PHF14: variants seen among roughly 807,000 people sequenced by gnomAD.
PHF14 encodes PHD finger protein 14.
In PHF14, 55 loss-of-function variants were observed where a neutral mutation model predicts 117.9. That is an observed-to-expected ratio of 0.47 (90% confidence interval 0.38 to 0.58). The LOEUF is 0.58. Among genes scored for constraint, PHF14 ranks in the 20% least tolerant of loss-of-function variants. The probability of loss-of-function intolerance (pLI) is 0.00; values close to 1 mark genes in which losing one functional copy is unlikely to be tolerated. For synonymous variants in PHF14, 409 were observed against 368.6 expected (o/e 1.11, Z -1.26); for missense variants, 978 against 1,122.2 (o/e 0.87, Z 1.84).
chr7:11,166,538 A>G (rs968827374), intron 17 of PHF14, among the ~76,000 whole-genome samples: 12 of 152,314 alleles, frequency 7.9e-5, no homozygotes, highest in Admixed American at 2.6e-4. Flanking sequence ...TTGACCTGCA[A>G]TGTGAAAAAC....
At chr7:11,067,556 C>G (rs1218506784) in intron 16 of PHF14, among the ~76,000 whole-genome samples, 4 of 152,112 alleles carry the variant, frequency 2.6e-5, no homozygotes, top group African/African-American at 2.4e-5. Context: ...TGGAAGCAAC[C>G]CAAGTTCCAC....
intron 16 of PHF14, among the ~76,000 whole-genome samples, chr7:11,083,551 C>G (rs1455150862): frequency 2.0e-5 from 3 of 151,016 alleles, no homozygotes; most frequent in East Asian, 2.0e-4. Flanking sequence ...AACTCCGCCT[C>G]CCAGGTTCAA....
intron 17 of PHF14, among the ~76,000 whole-genome samples, chr7:11,141,566 T>C (rs1297399231): frequency 6.6e-6 from 1 of 152,108 alleles, no homozygotes; most frequent in Non-Finnish European, 1.5e-5. Flanking sequence ...ATATAAATTA[T>C]TTTAAAATGT....
At chr7:11,121,644 C>T (rs1348693477) in intron 17 of PHF14, among the ~76,000 whole-genome samples, 1 of 152,088 alleles carries the variant, frequency 6.6e-6, no homozygotes, top group Non-Finnish European at 1.5e-5. Flanking sequence ...ATAAGGGTTA[C>T]TTGGACACAA....
At chr7:11,063,073 T>C in intron 16 of PHF14, 1 of 868,582 alleles carries the variant, frequency 1.2e-6, no homozygotes, top group East Asian at 1.2e-4. Context: ...CATTAAAATA[T>C]GTCTTAATTT....
rs544295083 is a variant in PHF14, at chr7:11,043,580, A to G, written c.2312+766A>G. 3.9e-5 allele frequency among the ~76,000 whole-genome samples: 6 copies of G among 152,120 alleles called. No homozygotes were observed. In the South Asian group the frequency reaches 1.2e-3, roughly 32 times the overall value. On this transcript the variant is annotated intron_variant, in intron 13 of 17. Transcript: ENST00000634607. ...TGTGTTCCTCAAATACATTAGGCAT[A>G]TTTTTTGACCTCATTGTTTTATCAC...
intron 17 of PHF14, among the ~76,000 whole-genome samples, chr7:11,159,645 C>T (rs1788966930): frequency 6.6e-6 from 1 of 152,134 alleles, no homozygotes; most frequent in Non-Finnish European, 1.5e-5. Context: ...TATAAGATTA[C>T]ACTACAGCTT....
At chr7:11,107,015 G>C in intron 16 of PHF14, 1 of 983,756 alleles carries the variant, frequency 1.0e-6, no homozygotes, top group Non-Finnish European at 1.2e-6. Context: ...TCTTTCTAAA[G>C]TTTAGCTTAC....
intron 4 of PHF14, among the ~76,000 whole-genome samples, chr7:11,012,193 T>G (rs1349708038): frequency 6.6e-6 from 1 of 152,214 alleles, no homozygotes; most frequent in Non-Finnish European, 1.5e-5. Flanking sequence ...GAACTTCTTA[T>G]TGCAGCTTTG....
chr7:11,112,927 A>G (rs936753881), intron 17 of PHF14, among the ~76,000 whole-genome samples: 5 of 152,114 alleles, frequency 3.3e-5, no homozygotes, highest in African/African-American at 1.2e-4. Flanking sequence ...GATTTAAGAG[A>G]GAACATATTT....
At chr7:11,085,489 A>G (rs2906563) in intron 16 of PHF14, among the ~76,000 whole-genome samples, 75,582 of 151,660 alleles carry the variant, frequency 0.5, 19,460 homozygotes, top group East Asian at 0.85. Context: ...AAAGGCAAAA[A>G]TTATTGTTTC....
intron 14 of PHF14, among the ~76,000 whole-genome samples, chr7:11,060,394 C>T (rs1785180602): frequency 1.3e-5 from 2 of 152,270 alleles, no homozygotes; most frequent in South Asian, 4.2e-4. Flanking sequence ...CATTAAAGGG[C>T]AAGAGTGGCA....
chr7:11,094,709 A>G (rs1000179235), intron 16 of PHF14, among the ~76,000 whole-genome samples: 19 of 152,142 alleles, frequency 1.2e-4, no homozygotes, highest in African/African-American at 4.6e-4. Context: ...ATATTAGCCA[A>G]CATTTCACCT....
intron 4 of PHF14, among the ~76,000 whole-genome samples, chr7:11,005,963 T>C (rs1050393014): frequency 2.0e-5 from 3 of 152,014 alleles, no homozygotes; most frequent in Non-Finnish European, 4.4e-5. Context: ...CGGCTATATT[T>C]TTGTATTTTG....
intron 17 of PHF14, among the ~76,000 whole-genome samples, chr7:11,132,737 C>G (rs1188057079): frequency 6.6e-6 from 1 of 151,606 alleles, no homozygotes; most frequent in African/African-American, 2.4e-5. Context: ...CATGAGTTCC[C>G]CTTTTCTCCA....
chr7:11,148,434 C>T (rs1317204085), intron 17 of PHF14, among the ~76,000 whole-genome samples: 2 of 152,148 alleles, frequency 1.3e-5, no homozygotes, highest in Non-Finnish European at 2.9e-5. Flanking sequence ...CAGATCAGTA[C>T]ATGACTGTTT....
At chr7:11,062,656 T>G in intron 16 of PHF14, 2 of 924,418 alleles carry the variant, frequency 2.2e-6, no homozygotes, top group Non-Finnish European at 2.6e-6. Flanking sequence ...TGGTACTTTA[T>G]TTTTTTTTAA....
intron 4 of PHF14, among the ~76,000 whole-genome samples, chr7:10,999,372 T>C (rs911906877): frequency 9.2e-5 from 14 of 152,236 alleles, no homozygotes; most frequent in South Asian, 4.1e-4. Context: ...CTCTTGTTGC[T>C]GATATTTGGG....
intron 13 of PHF14, among the ~76,000 whole-genome samples, chr7:11,043,226 G>T (rs1198938143): frequency 1.3e-5 from 2 of 151,258 alleles, no homozygotes; most frequent in African/African-American, 4.8e-5. Flanking sequence ...TGGTATTTGT[G>T]CTAGTCATTT....
Sources: allele counts gnomAD v4.1 joint callset (sites outside exome capture counted in the v4.1 genomes callset), GRCh38; gene constraint gnomAD v4.1.1; transcripts MANE v1.5; gene names NCBI Gene and HGNC (gene_info 2026-07-23, HGNC 2026-07-21).